The following LHPP variants were observed in gnomAD, a reference collection of about 807,000 sequenced individuals.
LHPP encodes phospholysine phosphohistidine inorganic pyrophosphate phosphatase, also known as hLHPP.
LHPP carries 24 observed loss-of-function variants against 30.3 expected under a neutral mutation model. That is an observed-to-expected ratio of 0.79 (90% CI 0.57 to 1.11). LHPP has a LOEUF of 1.11. Among genes scored for constraint, LHPP ranks in the 50% most tolerant of loss-of-function variants. The pLI is 0.00. For synonymous variants in LHPP, 150 were observed against 157.1 expected (o/e 0.95, Z 0.34); for missense variants, 356 against 367.2 (o/e 0.97, Z 0.25).
chr10:124,577,513 C>G, intron 6 of LHPP, among the ~76,000 whole-genome samples: 1 of 152,182 alleles, frequency 6.6e-6, no homozygotes, highest in Admixed American at 6.5e-5. Context: ...ATCTGAGGCT[C>G]TGAGGCAGGT....
rs905814078 is a variant in LHPP at position 124,497,033 on chromosome 10, C to T, written c.531+9C>T. On this transcript the variant is annotated intron_variant, in intron 4 of 6. Coordinates refer to ENST00000368842, the MANE Select transcript of LHPP (RefSeq NM_022126.4). ...ACATGAAGGCGCTTGAGGTACCAGC[C>T]CTGGTTCTGTCCCAAACTCTCTTCA... 2 of 1,612,368 alleles carry T rather than the reference C, an allele frequency of 1.2e-6. No individual in the cohort carries two copies. The highest frequency in any genetic ancestry group is 1.3e-5 in the African/African-American group (1 of 74,900).
rs1953704253 is a variant in LHPP, at chr10:124,496,238, C to T, written c.468-723C>T. 6.6e-6 allele frequency among the ~76,000 whole-genome samples: 1 copy of T among 152,202 alleles called. No individual in the cohort carries two copies. The highest frequency in any genetic ancestry group is 1.5e-5 in the Non-Finnish European group (1 of 68,032). ...TCAGCCAGAGCCAGGTCTGGCCCAC[C>T]ATGTGTCTGGACTGTGAGTGCCTTG... On this transcript the variant is annotated intron_variant, in intron 3 of 6. Coordinates refer to ENST00000368842, the MANE Select transcript of LHPP (RefSeq NM_022126.4). The surrounding 1 kb of genome is among the most constrained non-coding windows in gnomAD (Gnocchi z 4.3).
At chr10:124,540,101 G>A (rs1188528956) in intron 6 of LHPP, among the ~76,000 whole-genome samples, 1 of 152,202 alleles carries the variant, frequency 6.6e-6, no homozygotes, top group Non-Finnish European at 1.5e-5. Flanking sequence ...ACCGTGGGGA[G>A]GGGAGGGTTT....
chr10:124,572,949 G>C (rs1948609288), intron 6 of LHPP, among the ~76,000 whole-genome samples: 1 of 152,182 alleles, frequency 6.6e-6, no homozygotes, highest in Non-Finnish European at 1.5e-5. Flanking sequence ...GTTCCTCAAT[G>C]GCGACACCCA....
intron 2 of LHPP, among the ~76,000 whole-genome samples, chr10:124,488,064 C>T (rs1953394457): frequency 6.6e-6 from 1 of 152,190 alleles, no homozygotes; most frequent in Non-Finnish European, 1.5e-5. Flanking sequence ...CCCATTTCCT[C>T]CTGCTGCAGG....
intron 5 of LHPP, among the ~76,000 whole-genome samples, chr10:124,505,625 C>G (rs903835125): frequency 6.6e-6 from 1 of 152,194 alleles, no homozygotes; most frequent in Non-Finnish European, 1.5e-5. Context: ...AGTAATAAGG[C>G]AAAGAATAAC....
At chr10:124,534,414 C>A (rs537686784) in intron 6 of LHPP, among the ~76,000 whole-genome samples, 1 of 152,242 alleles carries the variant, frequency 6.6e-6, no homozygotes. Context: ...ACCGGCACGT[C>A]GGAGGCCGAG....
At chr10:124,501,124 T>A (rs749773451) in intron 5 of LHPP, among the ~76,000 whole-genome samples, 4 of 151,910 alleles carry the variant, frequency 2.6e-5, no homozygotes, top group Admixed American at 6.5e-5. Context: ...CTTGGTAGCA[T>A]TATGCTAAGT....
intron 6 of LHPP, among the ~76,000 whole-genome samples, chr10:124,550,976 G>C (rs569693013): frequency 3.3e-5 from 5 of 152,302 alleles, no homozygotes; most frequent in Admixed American, 3.3e-4. Context: ...CAGAGGCCCG[G>C]CCCAGCCCTT....
chr10:124,600,193 G>A (rs1218676930), intron 6 of LHPP, among the ~76,000 whole-genome samples: 1 of 152,236 alleles, frequency 6.6e-6, no homozygotes, highest in African/African-American at 2.4e-5. Context: ...TGGTAGCGCG[G>A]CCCCTCGCAG....
intron 6 of LHPP, among the ~76,000 whole-genome samples, chr10:124,579,852 GA>G (rs1188437906): frequency 6.6e-6 from 1 of 151,584 alleles, no homozygotes; most frequent in African/African-American, 2.4e-5. Flanking sequence ...CGCTGTTGAT[GA>G]CTCCAAAGTG....
intron 6 of LHPP, among the ~76,000 whole-genome samples, chr10:124,547,402 T>C (rs1955376214): frequency 6.6e-6 from 1 of 152,268 alleles, no homozygotes; most frequent in Admixed American, 6.5e-5. Flanking sequence ...AGTCTATTAG[T>C]GTCAGGCTTT....
At chr10:124,536,717 G>T (rs1028214131) in intron 6 of LHPP, among the ~76,000 whole-genome samples, 1 of 152,200 alleles carries the variant, frequency 6.6e-6, no homozygotes, top group African/African-American at 2.4e-5. Flanking sequence ...CTGAAGGCAG[G>T]AAGCAGGACA....
intron 6 of LHPP, among the ~76,000 whole-genome samples, chr10:124,609,812 C>T (rs1025629825): frequency 4.6e-5 from 7 of 152,336 alleles, no homozygotes; most frequent in Middle Eastern, 3.4e-3. Flanking sequence ...CCCATTGCCG[C>T]GGCAGGAACT....
At chr10:124,490,515 C>G in intron 3 of LHPP, 1 of 361,062 alleles carries the variant, frequency 2.8e-6, no homozygotes, top group Non-Finnish European at 5.7e-6. Context: ...TTCTTGGCTA[C>G]CGTGACTCCC....
At chr10:124,464,526 C>G (rs1356333554) in intron 1 of LHPP, among the ~76,000 whole-genome samples, 1 of 152,202 alleles carries the variant, frequency 6.6e-6, no homozygotes, top group African/African-American at 2.4e-5. Flanking sequence ...CTAGGACACT[C>G]CGCTGGGTCC....
chr10:124,464,983 G>A (rs1423726463), intron 1 of LHPP, among the ~76,000 whole-genome samples: 1 of 152,178 alleles, frequency 6.6e-6, no homozygotes, highest in African/African-American at 2.4e-5. Flanking sequence ...GAGAGGGACA[G>A]TAAAGCTGCA....
At chr10:124,542,501 G>T (rs57657410) in intron 6 of LHPP, among the ~76,000 whole-genome samples, 1 of 152,038 alleles carries the variant, frequency 6.6e-6, no homozygotes, top group Non-Finnish European at 1.5e-5. Flanking sequence ...TGGAGAGGGC[G>T]CTGGGGGAAT....
chr10:124,567,100 C>G (rs1183024048), intron 6 of LHPP, among the ~76,000 whole-genome samples: 1 of 152,230 alleles, frequency 6.6e-6, no homozygotes, highest in Non-Finnish European at 1.5e-5. Context: ...TGAGGGGGCT[C>G]CCAGAACTCC....
Sources: gnomAD v4.1 joint callset for allele counts (sites outside exome capture counted in the v4.1 genomes callset) on GRCh38, gnomAD v4.1.1 for gene constraint, Gnocchi (gnomAD v3.1) non-coding constraint, MANE v1.5 for transcripts, NCBI Gene and HGNC (gene_info 2026-07-23, HGNC 2026-07-21) for gene names.